Variants in UST observed in about 807,000 individuals in gnomAD.
UST encodes the protein chondroitin sulfate 2-O-sulfotransferase.
UST carries 21 observed loss-of-function variants against 45.6 expected under a neutral mutation model. The observed-to-expected ratio is 0.46, with a 90% CI of 0.33 to 0.66. UST has a LOEUF of 0.66. Ranked by LOEUF, UST falls within the 30% of genes least tolerant of loss-of-function variation. The pLI is 0.02. For missense variants in UST, 463 were observed against 512.4 expected (o/e 0.90, Z 0.93); for synonymous variants, 215 against 200.6 (o/e 1.07, Z -0.61).
chr6:148,877,621 G>A (rs1778704936), intron 1 of UST, among the ~76,000 whole-genome samples: 1 of 136,352 alleles, frequency 7.3e-6, no homozygotes, highest in African/African-American at 2.8e-5. Flanking sequence ...GTGTATGAGT[G>A]TGAGGGGTCG....
intron 5 of UST, among the ~76,000 whole-genome samples, chr6:148,990,742 A>G (rs982709497): frequency 6.6e-6 from 1 of 152,084 alleles, no homozygotes; most frequent in Admixed American, 6.5e-5. Context: ...TCTCTCTAAA[A>G]CTACTCACTT....
chr6:148,811,331 T>C (rs1777252968), intron 1 of UST, among the ~76,000 whole-genome samples: 2 of 152,200 alleles, frequency 1.3e-5, no homozygotes, highest in Admixed American at 6.5e-5. Context: ...AGAGGCTATA[T>C]GAGGCCTAAG....
intron 2 of UST, among the ~76,000 whole-genome samples, chr6:148,910,522 A>T (rs999677506): frequency 1.3e-5 from 2 of 152,124 alleles, no homozygotes; most frequent in African/African-American, 4.8e-5. Context: ...CGTCTCTCTC[A>T]TACTGCAGCC....
chr6:148,951,137 C>T, intron 3 of UST, among the ~76,000 whole-genome samples: 1 of 152,200 alleles, frequency 6.6e-6, no homozygotes, highest in Non-Finnish European at 1.5e-5. Context: ...CTGGCCACAG[C>T]ATGTGTGGTC....
chr6:149,044,305 A>G (rs538917280), intron 7 of UST, among the ~76,000 whole-genome samples: 2 of 152,138 alleles, frequency 1.3e-5, no homozygotes, highest in East Asian at 3.9e-4. Context: ...TAAAATGTCA[A>G]TGTTTTTTCA....
intron 1 of UST, among the ~76,000 whole-genome samples, chr6:148,883,733 TTGAGTTATAAGGGGATAAATTA>T (rs1422185583): frequency 6.6e-6 from 1 of 152,206 alleles, no homozygotes; most frequent in Non-Finnish European, 1.5e-5. Context: ...AGTCATGGCA[TTGAGTTATAAGGGGATAAATTA>T]TGAGATGGAC....
chr6:148,912,775 C>T (rs552549024), intron 2 of UST, among the ~76,000 whole-genome samples: 4 of 152,338 alleles, frequency 2.6e-5, no homozygotes, highest in African/African-American at 9.6e-5. Context: ...TTAACAAACT[C>T]TCTTTGGAGA....
At chr6:148,933,731 T>C (rs1245882014) in intron 2 of UST, among the ~76,000 whole-genome samples, 1 of 152,190 alleles carries the variant, frequency 6.6e-6, no homozygotes, top group Non-Finnish European at 1.5e-5. Context: ...CAAAGGCCAG[T>C]GAGAATCACT....
chr6:148,988,740 C>T (rs1264611596), intron 5 of UST, among the ~76,000 whole-genome samples: 1 of 152,094 alleles, frequency 6.6e-6, no homozygotes, highest in Non-Finnish European at 1.5e-5. Context: ...ACTGTCCCAC[C>T]CTCCCCACCT....
At chr6:148,919,022 G>C (rs558400628) in intron 2 of UST, among the ~76,000 whole-genome samples, 1 of 152,278 alleles carries the variant, frequency 6.6e-6, no homozygotes, top group African/African-American at 2.4e-5. Flanking sequence ...TTGCATGGCT[G>C]TTGCTGTAAG....
intron 1 of UST, among the ~76,000 whole-genome samples, chr6:148,764,288 C>T (rs1776277395): frequency 6.6e-6 from 1 of 152,066 alleles, no homozygotes; most frequent in Admixed American, 6.6e-5. Flanking sequence ...ATTTGGCTCT[C>T]AGCTTGAACA....
intron 7 of UST, among the ~76,000 whole-genome samples, chr6:149,056,117 C>CTTTTTTTTTTTTTTTTTTTTT (rs34191810): frequency 1.4e-4 from 11 of 81,064 alleles, no homozygotes; most frequent in Non-Finnish European, 1.6e-4. Context: ...CTTTTCTTTT[C>CTTTTTTTTTTTTTTTTTTTTT]TTTTTTTTTT....
At chr6:148,866,428 TC>T (rs1778432262) in intron 1 of UST, among the ~76,000 whole-genome samples, 1 of 152,140 alleles carries the variant, frequency 6.6e-6, no homozygotes, top group Admixed American at 6.5e-5. Context: ...TGGCTAGTTG[TC>T]CCTTCCTGGG....
At chr6:148,960,913 A>G (rs1447323408) in intron 4 of UST, among the ~76,000 whole-genome samples, 1 of 152,132 alleles carries the variant, frequency 6.6e-6, no homozygotes, top group East Asian at 1.9e-4. Flanking sequence ...TATACCTAAG[A>G]TTTTTACCCT....
intron 2 of UST, among the ~76,000 whole-genome samples, chr6:148,898,442 G>A (rs991927729): frequency 3.9e-5 from 6 of 152,000 alleles, no homozygotes; most frequent in African/African-American, 7.2e-5. Flanking sequence ...TCCCGAAGTC[G>A]CCTGTATTCC....
chr6:149,040,985 G>A (rs568887465), intron 7 of UST, among the ~76,000 whole-genome samples: 9 of 152,144 alleles, frequency 5.9e-5, no homozygotes, highest in African/African-American at 2.2e-4. Flanking sequence ...GTGCATCCCC[G>A]TAAGACCCTG....
Position 148,747,297 on chromosome 6 carries a change from C to G in UST, c.-134C>G. ...TCTCCTGAGCCCGGCAACTTCGGCC[C>G]CTCCCCGCCCCCACCCGGCTGCCCT... On this transcript the variant is annotated 5_prime_UTR_variant, in exon 1 of 8. Transcript: ENST00000367463. 8.8e-7 allele frequency: 1 copy of G among 1,131,342 alleles called. No individual in the cohort carries two copies. The highest frequency in any genetic ancestry group is 1.1e-6 in the Non-Finnish European group (1 of 876,180). 70.1% of individuals were successfully genotyped at this position (1,131,342 alleles called of 1,614,324 possible).
At chr6:149,026,676 C>G (rs1034360603) in intron 7 of UST, among the ~76,000 whole-genome samples, 2 of 152,190 alleles carry the variant, frequency 1.3e-5, no homozygotes, top group African/African-American at 4.8e-5. Context: ...GGTTCAATAG[C>G]GCCACCTAGC....
chr6:148,799,888 A>C lies in UST; in HGVS notation c.247+52211A>C, dbSNP rs559008426. Among the ~76,000 whole-genome samples, 184 of 152,316 alleles carry C rather than the reference A, an allele frequency of 1.2e-3. 4 individuals carry two copies. In the South Asian group the frequency reaches 0.037, roughly 30 times the overall value. On this transcript the variant is annotated intron_variant, in intron 1 of 7. Coordinates refer to ENST00000367463, the MANE Select transcript of UST (RefSeq NM_005715.3). ...GCCTGTATGGGGAAGTAGAATTAGAAGGAGGTATCAGAGGAACTCTCTCTC... is the reference window on the plus strand; with the variant it reads ...GCCTGTATGGGGAAGTAGAATTAGACGGAGGTATCAGAGGAACTCTCTCTC...
Sources: gnomAD v4.1 joint callset for allele counts (sites outside exome capture counted in the v4.1 genomes callset) on GRCh38, gnomAD v4.1.1 for gene constraint, MANE v1.5 for transcripts, NCBI Gene and HGNC (gene_info 2026-07-23, HGNC 2026-07-21) for gene names.